Variants in NCKAP5 observed in about 807,000 individuals in gnomAD.
The protein encoded by NCKAP5 is NCK associated protein 5.
Under a neutral mutation model 167.0 loss-of-function variants are expected in NCKAP5, and 92 were observed. The observed-to-expected ratio is 0.55, with a 90% CI of 0.47 to 0.66. The LOEUF (loss-of-function observed/expected upper bound fraction) is 0.66. Ranked by LOEUF, NCKAP5 falls within the 30% of genes least tolerant of loss-of-function variation. The probability of loss-of-function intolerance (pLI) is 0.00; values close to 1 mark genes in which losing one functional copy is unlikely to be tolerated. For synonymous variants in NCKAP5, 891 were observed against 877.4 expected (o/e 1.02, Z -0.27); for missense variants, 2,378 against 2,315.0 (o/e 1.03, Z -0.56).
intron 5 of NCKAP5, among the ~76,000 whole-genome samples, chr2:133,213,029 T>A (rs904229638): frequency 6.6e-6 from 1 of 152,160 alleles, no homozygotes; most frequent in East Asian, 1.9e-4. Flanking sequence ...AAAAAATAAA[T>A]CTGGTGCTGT....
chr2:133,442,604 T>C (rs935217959), intron 3 of NCKAP5, among the ~76,000 whole-genome samples: 1 of 152,224 alleles, frequency 6.6e-6, no homozygotes, highest in Non-Finnish European at 1.5e-5. Flanking sequence ...TCCCAGGCTA[T>C]TGCCCCAGGG....
rs1363595478 is a variant in NCKAP5, at chr2:132,785,315, T to C, written c.1496A>G (p.His499Arg). The part of the protein sequence containing the change: ...QAVPNQSCRP[H>R]GSKLTHSVSD... ...AACACTGTGGGTTAATTTACTGCCA[T>C]GTGGCCTGCAGCTCTGGTTTGGAAC... The change falls in exon 14 of 20, where the codon CAT becomes CGT. Residue 499 changes from histidine (H) to arginine (R), a missense_variant. His to Arg is a conservative substitution (Grantham distance 29). This residue lies in a region of NCKAP5 where 1,049 missense variants were observed against 1,023.4 expected (regional missense o/e 1.02). Transcript: ENST00000409261. 3 of 1,611,550 alleles carry C rather than the reference T, an allele frequency of 1.9e-6. No homozygotes were observed. Among genetic ancestry groups the C allele is most frequent in the Non-Finnish European group, 2.5e-6 (3 of 1,178,524 alleles).
chr2:133,382,226 C>T, intron 3 of NCKAP5, among the ~76,000 whole-genome samples: 1 of 152,118 alleles, frequency 6.6e-6, no homozygotes, highest in East Asian at 1.9e-4. Flanking sequence ...TCTTGGGGAT[C>T]ATCCTCTTCT....
rs141946531 is a variant in NCKAP5 at position 133,340,853 on chromosome 2, T to C, written c.70-37743A>G. ...CACTGAAGCATTCTGTTTCTTATGC[T>C]TATTGCACCTGTGTTTTCTTCCTCA... On this transcript the variant is annotated intron_variant, in intron 3 of 19. Transcript: ENST00000409261. Among the ~76,000 whole-genome samples, 4 of 152,322 alleles carry C rather than the reference T, an allele frequency of 2.6e-5. No individual in the cohort carries two copies. In the East Asian group the frequency reaches 7.7e-4, roughly 29 times the overall value.
chr2:132,854,669 C>T (rs1689325836), intron 11 of NCKAP5, among the ~76,000 whole-genome samples: 1 of 152,234 alleles, frequency 6.6e-6, no homozygotes, highest in African/African-American at 2.4e-5. Context: ...GCTGCTATAG[C>T]TTCCCACATG....
intron 3 of NCKAP5, among the ~76,000 whole-genome samples, chr2:133,506,581 G>A (rs1340103618): frequency 1.3e-5 from 2 of 152,164 alleles, no homozygotes; most frequent in East Asian, 1.9e-4. Flanking sequence ...GGGCCAGCAC[G>A]GTTGGCCATA....
intron 5 of NCKAP5, among the ~76,000 whole-genome samples, chr2:133,147,217 A>C (rs1425491898): frequency 6.6e-6 from 1 of 152,154 alleles, no homozygotes; most frequent in Non-Finnish European, 1.5e-5. Context: ...AGTGTTTACT[A>C]AATATTAATA....
In NCKAP5 at chr2:132,963,734, A is replaced by G. The variant is rs1351365876; in HGVS notation, c.565T>C (p.Leu189=). Residue 189 remains leucine, a synonymous_variant, in exon 8 of 20, where the codon TTG becomes CTG. Transcript: ENST00000409261. ...TCATTTCTTACCTCTAGAGCTTTCAATCTCTCTAATAGCAATTTGGTCTTT... is the reference window on the plus strand; with the variant it reads ...TCATTTCTTACCTCTAGAGCTTTCAGTCTCTCTAATAGCAATTTGGTCTTT... ...KEKTKLLLER[L]KALEAENSAL... 1 of 1,613,624 alleles carries G rather than the reference A, an allele frequency of 6.2e-7. No individual in the cohort carries two copies. The highest frequency in any genetic ancestry group is 1.7e-5 in the Admixed American group (1 of 59,968).
intron 16 of NCKAP5, among the ~76,000 whole-genome samples, chr2:132,764,222 T>G (rs544155513): frequency 6.6e-6 from 1 of 152,298 alleles, no homozygotes; most frequent in African/African-American, 2.4e-5. Context: ...CAGGAGGGAA[T>G]GAAAAACATG....
At position 133,424,959 on chromosome 2, in the gene NCKAP5, T is replaced by C. The variant is rs1689701532; in HGVS notation, c.69+92499A>G. 2.0e-5 allele frequency among the ~76,000 whole-genome samples: 3 copies of C among 152,228 alleles called. No individual in the cohort carries two copies. In the South Asian group the frequency reaches 6.2e-4, roughly 32 times the overall value. On this transcript the variant is annotated intron_variant, in intron 3 of 19. Coordinates refer to ENST00000409261, the MANE Select transcript of NCKAP5 (RefSeq NM_207363.3). ...ATGAAAGGCATTGTTGTAATTGATG[T>C]TTTCTGGGCCTTGTGAATTTTAACT...
At chr2:132,731,622 T>A in intron 17 of NCKAP5, 115 bp downstream of exon 17, 1 of 1,142,462 alleles carries the variant, frequency 8.8e-7, no homozygotes, top group Non-Finnish European at 1.2e-6. Context: ...TGAAGGAATT[T>A]TCACATATCT....
intron 8 of NCKAP5, among the ~76,000 whole-genome samples, chr2:132,943,086 G>C (rs1412330550): frequency 1.3e-5 from 2 of 152,154 alleles, no homozygotes; most frequent in East Asian, 3.9e-4. Context: ...AAATCAAGTA[G>C]GGTCTGAACC....
chr2:132,881,807 G>A (rs1466010700), intron 8 of NCKAP5, among the ~76,000 whole-genome samples: 1 of 151,964 alleles, frequency 6.6e-6, no homozygotes, highest in Non-Finnish European at 1.5e-5. Context: ...TTCTCCTCTT[G>A]CAATTAATAA....
At chr2:133,317,425 A>G (rs1681689140) in intron 3 of NCKAP5, among the ~76,000 whole-genome samples, 1 of 152,130 alleles carries the variant, frequency 6.6e-6, no homozygotes, top group Non-Finnish European at 1.5e-5. Context: ...CTCAAGATAA[A>G]GAACTGTTCT....
chr2:132,724,908 T>G (rs1690296721), intron 19 of NCKAP5, among the ~76,000 whole-genome samples: 1 of 152,092 alleles, frequency 6.6e-6, no homozygotes, highest in South Asian at 2.1e-4. Flanking sequence ...TTTAAAAAAA[T>G]AAAATTATGG....
rs571163291 is a variant in NCKAP5, at chr2:133,358,803, A to G, written c.70-55693T>C. Among the ~76,000 whole-genome samples the G allele has an allele frequency of 2.0e-5, 3 of 152,372 alleles. No homozygotes were observed. The South Asian group carries it at 6.2e-4, about 32-fold the overall frequency. On this transcript the variant is annotated intron_variant, in intron 3 of 19. Transcript: ENST00000409261. ...ATATGGCTAACACTGACCTGTTACT[A>G]AATAAGAGTATATTGAGGACTCAGG...
intron 3 of NCKAP5, among the ~76,000 whole-genome samples, chr2:133,328,002 A>G (rs983289109): frequency 6.6e-6 from 1 of 152,090 alleles, no homozygotes; most frequent in African/African-American, 2.4e-5. Flanking sequence ...AGTAGTGCCC[A>G]GGTTGATCTA....
At chr2:132,815,337 T>A (rs567761339) in intron 11 of NCKAP5, among the ~76,000 whole-genome samples, 29 of 152,154 alleles carry the variant, frequency 1.9e-4, no homozygotes, top group Non-Finnish European at 3.7e-4. Context: ...TTAGACTCAT[T>A]TGAGAAACTA....
At chr2:132,685,714 CTGTT>C (rs549236597) in intron 19 of NCKAP5, among the ~76,000 whole-genome samples, 58 of 152,272 alleles carry the variant, frequency 3.8e-4, no homozygotes, top group Non-Finnish European at 7.2e-4. Flanking sequence ...AGCTTTCTGT[CTGTT>C]TTTCTCCCCA....
Sources: gnomAD v4.1 joint callset for allele counts (sites outside exome capture counted in the v4.1 genomes callset) on GRCh38, gnomAD v4.1.1 for gene constraint, gnomAD v4.1.1 regional missense constraint, MANE v1.5 for transcripts, NCBI Gene and HGNC (gene_info 2026-07-23, HGNC 2026-07-21) for gene names.